The following SBK1 variants were observed in gnomAD, a reference collection of about 807,000 sequenced individuals.
SBK1 encodes serine/threonine-protein kinase SBK1.
SBK1 carries 11 observed loss-of-function variants against 24.4 expected under a neutral mutation model. That is an observed-to-expected ratio of 0.45 (90% CI 0.28 to 0.75). The LOEUF (loss-of-function observed/expected upper bound fraction) is 0.75, where lower values mean the gene tolerates loss of function less well. Ranked by LOEUF, SBK1 falls within the 30% of genes least tolerant of loss-of-function variation. The pLI is 0.12. For missense variants in SBK1, 467 were observed against 620.5 expected, an observed-to-expected ratio of 0.75 and a Z score of 2.63; for synonymous variants, 308 against 284.4, an observed-to-expected ratio of 1.08 and a Z score of -0.83.
At chr16:28,276,307 G>T (rs1263300447) in intron 1 of SBK1, among the ~76,000 whole-genome samples, 2 of 152,150 alleles carry the variant, frequency 1.3e-5, no homozygotes, top group Non-Finnish European at 2.9e-5. Context: ...ACTCACAGGC[G>T]AATTACAGTT....
At chr16:28,276,828 C>A (rs1324495049) in intron 1 of SBK1, among the ~76,000 whole-genome samples, 2 of 151,962 alleles carry the variant, frequency 1.3e-5, no homozygotes, top group Admixed American at 6.6e-5. Flanking sequence ...CCACGCCCGG[C>A]TAATTTTTTG....
At chr16:28,306,118 A>G (rs947378273) in intron 1 of SBK1, among the ~76,000 whole-genome samples, 4 of 145,182 alleles carry the variant, frequency 2.8e-5, no homozygotes, top group Admixed American at 6.8e-5. Flanking sequence ...CAAGTAACCA[A>G]AGGTGACCCA....
intron 1 of SBK1, among the ~76,000 whole-genome samples, chr16:28,301,630 CA>C (rs1232264535): frequency 6.6e-6 from 1 of 152,178 alleles, no homozygotes; most frequent in Non-Finnish European, 1.5e-5. Context: ...CAAGTGGGTT[CA>C]GGGGTGAGAT....
At chr16:28,304,616 G>GT (rs1054324603) in intron 1 of SBK1, among the ~76,000 whole-genome samples, 41 of 150,694 alleles carry the variant, frequency 2.7e-4, no homozygotes, top group East Asian at 7.8e-4. Context: ...TTGTTTTTTT[G>GT]TTTTTTTTTG....
Position 28,292,996 on chromosome 16 carries a change from CCA to C in SBK1, c.-308_-307del, listed in dbSNP as rs949330765. ...CTCCCAAGATCCGGTCATTACAACT[CCA>C]CACCTCAAGACAAGAAGACCCAGCT... On this transcript the variant is annotated 5_prime_UTR_variant, in exon 1 of 4. Transcript: ENST00000341901. The C allele has an allele frequency of 1.0e-6, 1 of 985,520 alleles. No individual in the cohort carries two copies. 61.0% of individuals were successfully genotyped at this position (985,520 alleles called of 1,614,324 possible). A position where few individuals can be genotyped will look rare whatever the true frequency, so the allele number is the denominator to read the frequency against.
chr16:28,283,483 T>A (rs1348667377), intron 1 of SBK1, among the ~76,000 whole-genome samples: 1 of 152,120 alleles, frequency 6.6e-6, no homozygotes, highest in Non-Finnish European at 1.5e-5. Context: ...CAGGCTTACA[T>A]CCTACTGCTT....
At position 28,299,547 on chromosome 16, in the gene SBK1, G is replaced by A. The variant is rs75483718; in HGVS notation, c.-8+6247G>A. Among the ~76,000 whole-genome samples, 79 of 152,254 alleles carry A rather than the reference G, an allele frequency of 5.2e-4. 1 individual carries two copies. The East Asian group carries it at 0.011, about 22-fold the overall frequency. On this transcript the variant is annotated intron_variant, in intron 1 of 3. Coordinates refer to ENST00000341901, the MANE Select transcript of SBK1 (RefSeq NM_001024401.3). ...TCCTGCCCCACGCTTCCACTTACAC[G>A]GGGCCATGGCAGTGAGAACTGTGTC...
At chr16:28,306,010 T>C (rs1323562313) in intron 1 of SBK1, among the ~76,000 whole-genome samples, 2 of 152,174 alleles carry the variant, frequency 1.3e-5, no homozygotes, top group African/African-American at 2.4e-5. Flanking sequence ...CCCGTGAAGT[T>C]TGGAAGGGAT....
At chr16:28,266,281 C>A (rs779547368) in intron 1 of SBK1, among the ~76,000 whole-genome samples, 1 of 151,820 alleles carries the variant, frequency 6.6e-6, no homozygotes, top group Non-Finnish European at 1.5e-5. Context: ...GTGGGAGGAT[C>A]GCTTGAGCCC....
intron 1 of SBK1, among the ~76,000 whole-genome samples, chr16:28,287,448 CAAAAA>C (rs751846795): frequency 1.2e-5 from 1 of 80,144 alleles, no homozygotes. Context: ...GACTCCATCT[CAAAAA>C]AAAAAAAAAA....
intron 1 of SBK1, among the ~76,000 whole-genome samples, chr16:28,262,177 T>C (rs903823126): frequency 2.0e-5 from 3 of 152,056 alleles, no homozygotes; most frequent in African/African-American, 7.2e-5. Flanking sequence ...AGTGGGGCAA[T>C]GAGGCTGGGT....
chr16:28,266,464 A>C (rs534320460), intron 1 of SBK1, among the ~76,000 whole-genome samples: 1 of 152,276 alleles, frequency 6.6e-6, no homozygotes, highest in African/African-American at 2.4e-5. Flanking sequence ...AATTGCCATA[A>C]ACTGAGTTGC....
At chr16:28,301,289 G>C (rs1031418057) in intron 1 of SBK1, among the ~76,000 whole-genome samples, 17 of 152,258 alleles carry the variant, frequency 1.1e-4, no homozygotes, top group African/African-American at 4.1e-4. Flanking sequence ...GTGCCTCACT[G>C]GGGAGGGCAG....
At chr16:28,292,427 G>T, upstream of SBK1, 1 of 640,000 alleles carries the variant, frequency 1.6e-6, no homozygotes, top group South Asian at 6.7e-5. Context: ...GGCGCGCGCC[G>T]AGCGGGACGG....
At chr16:28,294,766 A>G (rs1238806933) in intron 1 of SBK1, among the ~76,000 whole-genome samples, 2 of 152,174 alleles carry the variant, frequency 1.3e-5, no homozygotes, top group Non-Finnish European at 2.9e-5. Flanking sequence ...CACTGACCCA[A>G]GGGTGAGGAT....
Position 28,319,258 on chromosome 16 carries a change from G to A in SBK1, c.429+61G>A. On this transcript the variant is annotated intron_variant, in intron 3 of 3. Coordinates refer to ENST00000341901, the MANE Select transcript of SBK1 (RefSeq NM_001024401.3). The surrounding 1 kb of genome is among the most constrained non-coding windows in gnomAD (Gnocchi z 4.0). Reference sequence around the variant, plus strand: ...CTTCAGGGTCCCAGAGTGTGAGAGTGGGAGTGGAGTCAGACCATTTAATTA... The same window carrying A: ...CTTCAGGGTCCCAGAGTGTGAGAGTAGGAGTGGAGTCAGACCATTTAATTA... 7 of 1,302,584 alleles carry A rather than the reference G, an allele frequency of 5.4e-6. No individual in the cohort carries two copies. The highest frequency in any genetic ancestry group is 7.8e-6 in the Non-Finnish European group (7 of 899,934). 80.7% of individuals were successfully genotyped at this position (1,302,584 alleles called of 1,614,324 possible). A position where few individuals can be genotyped will look rare whatever the true frequency, so the allele number is the denominator to read the frequency against.
intron 2 of SBK1, among the ~76,000 whole-genome samples, chr16:28,318,529 C>T (rs918504208): frequency 2.0e-5 from 3 of 152,230 alleles, no homozygotes; most frequent in Non-Finnish European, 4.4e-5. Context: ...GTAAATGCTC[C>T]GTGGACACAC....
chr16:28,319,646 G>A lies in SBK1; in HGVS notation c.430-430G>A, dbSNP rs1285428092. 7.2e-6 allele frequency among the ~76,000 whole-genome samples: 1 copy of A among 139,116 alleles called. No homozygotes were observed. Among genetic ancestry groups the A allele is most frequent in the African/African-American group, 2.4e-5 (1 of 40,852 alleles). 91.3% of individuals were successfully genotyped at this position (139,116 alleles called of 152,430 possible). On this transcript the variant is annotated intron_variant, in intron 3 of 3. Coordinates refer to ENST00000341901, the MANE Select transcript of SBK1 (RefSeq NM_001024401.3). The surrounding 1 kb of genome is among the most constrained non-coding windows in gnomAD (Gnocchi z 4.0). Reference sequence around the variant, plus strand: ...GGAGCAGGTCCTCCTTCTTTGCTGAGCACCTACTACATGCCAGAATCTGGA... The same window carrying A: ...GGAGCAGGTCCTCCTTCTTTGCTGAACACCTACTACATGCCAGAATCTGGA...
intron 1 of SBK1, among the ~76,000 whole-genome samples, chr16:28,305,118 C>G (rs530394321): frequency 7.2e-5 from 11 of 152,122 alleles, no homozygotes; most frequent in Non-Finnish European, 1.5e-4. Flanking sequence ...GGGACCAGAG[C>G]TGAATTCCCT....
Sources: gnomAD v4.1 joint callset for allele counts (sites outside exome capture counted in the v4.1 genomes callset) on GRCh38, gnomAD v4.1.1 for gene constraint, Gnocchi (gnomAD v3.1) non-coding constraint, MANE v1.5 for transcripts, NCBI Gene and HGNC (gene_info 2026-07-23, HGNC 2026-07-21) for gene names.